TBCK: variants seen among roughly 807,000 people sequenced by gnomAD.
The protein encoded by TBCK is TBC domain-containing protein kinase-like protein.
A neutral mutation model predicts 113.4 loss-of-function variants in TBCK; 99 were observed. The ratio of observed to expected loss-of-function variants is 0.87; its 90% CI spans 0.74 to 1.03. The LOEUF (loss-of-function observed/expected upper bound fraction) is 1.03. Among genes scored for constraint, TBCK ranks in the 50% least tolerant of loss-of-function variants. The pLI is 0.00. For missense variants in TBCK, 1,045 were observed against 1,061.3 expected, an observed-to-expected ratio of 0.98 and a Z score of 0.21; for synonymous variants, 369 against 370.8, an observed-to-expected ratio of 1.00 and a Z score of 0.05.
chr4:106,305,598 C>T (rs1354551295), intron 2 of TBCK, among the ~76,000 whole-genome samples: 1 of 152,064 alleles, frequency 6.6e-6, no homozygotes, highest in Non-Finnish European at 1.5e-5. Flanking sequence ...CTGTCAGAGG[C>T]GTGTGAACCA....
intron 23 of TBCK, among the ~76,000 whole-genome samples, chr4:106,146,190 T>C (rs886484837): frequency 6.6e-6 from 1 of 152,024 alleles, no homozygotes; most frequent in Non-Finnish European, 1.5e-5. Context: ...GTGGTACATA[T>C]ACATATACAT....
chr4:106,064,391 C>T (rs925515661), intron 25 of TBCK, among the ~76,000 whole-genome samples: 7 of 151,778 alleles, frequency 4.6e-5, no homozygotes, highest in African/African-American at 1.7e-4. Flanking sequence ...ATATACATTA[C>T]TCTTTTCTAT....
At chr4:106,286,129 T>A (rs1018316876) in intron 3 of TBCK, among the ~76,000 whole-genome samples, 1 of 152,182 alleles carries the variant, frequency 6.6e-6, no homozygotes, top group Non-Finnish European at 1.5e-5. Context: ...ATTATCAGAA[T>A]AATTTAAAAA....
At chr4:106,073,892 A>G (rs991578894) in intron 25 of TBCK, among the ~76,000 whole-genome samples, 1 of 152,214 alleles carries the variant, frequency 6.6e-6, no homozygotes, top group Non-Finnish European at 1.5e-5. Context: ...GCAGTGAGCA[A>G]GGTTCCATGG....
intron 22 of TBCK, among the ~76,000 whole-genome samples, chr4:106,176,760 G>A (rs1751714816): frequency 6.6e-6 from 1 of 151,826 alleles, no homozygotes; most frequent in Non-Finnish European, 1.5e-5. Flanking sequence ...CCTCCATACT[G>A]TTTTTCATAG....
chr4:106,246,557 A>G, intron 10 of TBCK, among the ~76,000 whole-genome samples: 1 of 152,040 alleles, frequency 6.6e-6, no homozygotes. Context: ...GAAAGGATAA[A>G]CTGTTAGCTC....
At chr4:106,083,373 G>C (rs1739120327) in intron 25 of TBCK, among the ~76,000 whole-genome samples, 1 of 152,164 alleles carries the variant, frequency 6.6e-6, no homozygotes, top group Non-Finnish European at 1.5e-5. Flanking sequence ...TCAGTGGGCG[G>C]GGCTTCCCTG....
intron 23 of TBCK, among the ~76,000 whole-genome samples, chr4:106,154,350 T>A (rs1042695409): frequency 2.6e-5 from 4 of 152,192 alleles, no homozygotes; most frequent in Non-Finnish European, 5.9e-5. Context: ...ATTAAAACTC[T>A]ACACTTAGTT....
rs145439015 is a variant in TBCK, at chr4:106,176,447, C to T, written c.2060-5177G>A. 2.9e-3 allele frequency among the ~76,000 whole-genome samples: 434 copies of T among 152,162 alleles called. 4 individuals are homozygous for T. Among genetic ancestry groups the T allele is most frequent in the South Asian group, 4.6e-3 (22 of 4,826 alleles). Reference sequence around the variant, plus strand: ...GTGAATATGACATAGTCTTTCTGTGCCTGGCTTATTTCACTTAATGTGATG... The same window carrying T: ...GTGAATATGACATAGTCTTTCTGTGTCTGGCTTATTTCACTTAATGTGATG... On this transcript the variant is annotated intron_variant, in intron 22 of 25. Transcript: ENST00000394708.
intron 3 of TBCK, among the ~76,000 whole-genome samples, chr4:106,294,741 A>G (rs1339005121): frequency 6.6e-6 from 1 of 152,006 alleles, no homozygotes; most frequent in African/African-American, 2.4e-5. Context: ...TCGGCCTCCC[A>G]AAGTGCTGGC....
chr4:106,295,062 T>A (rs748669669), intron 3 of TBCK, 32 bp downstream of exon 3: 1 of 1,531,150 alleles, frequency 6.5e-7, no homozygotes, highest in South Asian at 1.3e-5. Context: ...AAGTTCTGCT[T>A]TTCATTTAAT....
chr4:106,175,358 A>AT (rs34198925), intron 22 of TBCK, among the ~76,000 whole-genome samples: 3,930 of 137,256 alleles, frequency 0.029, 135 homozygotes, highest in African/African-American at 0.09. Flanking sequence ...ATCAGATTGA[A>AT]TTTTTTTTTT....
In TBCK at chr4:106,259,339, C is replaced by G. The variant is rs547378903; in HGVS notation, c.455+1098G>C. Among the ~76,000 whole-genome samples the G allele has an allele frequency of 1.1e-4, 16 of 151,868 alleles. No individual in the cohort carries two copies. In the South Asian group the frequency reaches 3.3e-3, roughly 31 times the overall value. On this transcript the variant is annotated intron_variant, in intron 5 of 25. Transcript: ENST00000394708. The stretch of plus-strand genomic sequence containing the variant: ...CTCCATGACTCCATATCACAATTCT[C>G]AGTAACGGTGTGATAGAACTGATTT...
At chr4:106,307,902 G>T (rs1426602700) in intron 2 of TBCK, among the ~76,000 whole-genome samples, 2 of 151,724 alleles carry the variant, frequency 1.3e-5, no homozygotes, top group Non-Finnish European at 2.9e-5. Context: ...AACCAATAGG[G>T]TTCAACTTTT....
intron 24 of TBCK, among the ~76,000 whole-genome samples, chr4:106,106,187 A>C (rs1742131561): frequency 6.6e-6 from 1 of 152,188 alleles, no homozygotes. Flanking sequence ...CCTGAAAGAG[A>C]GGGGAAGAAA....
At chr4:106,214,907 T>A (rs900324540) in intron 19 of TBCK, among the ~76,000 whole-genome samples, 1 of 151,576 alleles carries the variant, frequency 6.6e-6, no homozygotes, top group East Asian at 2.0e-4. Flanking sequence ...CCAAGACACA[T>A]AATAGTCAGA....
chr4:106,264,401 A>G (rs1460438401), intron 3 of TBCK, among the ~76,000 whole-genome samples: 3 of 114,024 alleles, frequency 2.6e-5, no homozygotes, highest in Non-Finnish European at 2.0e-5. Flanking sequence ...CTGAACTGGT[A>G]TAAAGTCAGC....
At chr4:106,232,131 T>C (rs1560872237) in intron 17 of TBCK, among the ~76,000 whole-genome samples, 1 of 151,854 alleles carries the variant, frequency 6.6e-6, no homozygotes, top group Non-Finnish European at 1.5e-5. Flanking sequence ...TACTTTCTCA[T>C]CTAGGACATG....
intron 24 of TBCK, among the ~76,000 whole-genome samples, chr4:106,099,102 T>A (rs577145759): frequency 6.6e-6 from 1 of 152,202 alleles, no homozygotes; most frequent in Non-Finnish European, 1.5e-5. Context: ...TAAGTAGATA[T>A]GCTGTACTTC....
Sources: gnomAD v4.1 joint callset for allele counts (sites outside exome capture counted in the v4.1 genomes callset) on GRCh38, gnomAD v4.1.1 for gene constraint, MANE v1.5 for transcripts, NCBI Gene and HGNC (gene_info 2026-07-23, HGNC 2026-07-21) for gene names.